Variants in TUBGCP3 observed in about 807,000 individuals in gnomAD.
The protein encoded by TUBGCP3 is tubulin gamma complex component 3.
A neutral mutation model predicts 123.1 loss-of-function variants in TUBGCP3; 50 were observed. That is an observed-to-expected ratio of 0.41 (90% CI 0.32 to 0.51). The LOEUF (loss-of-function observed/expected upper bound fraction) is 0.51, where lower values mean the gene tolerates loss of function less well. TUBGCP3 is among the 20% of genes least tolerant of loss of function. The pLI, the probability that TUBGCP3 is intolerant of heterozygous loss-of-function variation, is 0.36. For synonymous variants in TUBGCP3, 405 were observed against 413.9 expected (o/e 0.98, Z 0.26); for missense variants, 882 against 1,127.0 (o/e 0.78, Z 3.11).
rs570314270 is a variant in TUBGCP3, at chr13:112,552,410, G to A, written c.966+1647C>T. On this transcript the variant is annotated intron_variant, in intron 8 of 21. Coordinates refer to ENST00000261965, the MANE Select transcript of TUBGCP3 (RefSeq NM_006322.6). ...TGGCTCCTGAGGGGACGGCCCACCA[G>A]TCCTACCTGCCTCGAGAAAGAGCCA... is the stretch of plus-strand genomic sequence containing the variant. Among the ~76,000 whole-genome samples, 4 of 152,344 alleles carry A rather than the reference G, an allele frequency of 2.6e-5. No homozygotes were observed. The East Asian group carries it at 7.7e-4, about 29-fold the overall frequency.
At chr13:112,547,783 G>A in intron 9 of TUBGCP3, 31 bp from the exon 10 acceptor site, 2 of 1,420,222 alleles carry the variant, frequency 1.4e-6, no homozygotes, top group Non-Finnish European at 1.8e-6. Context: ...AAATGTTTAA[G>A]TACAAATAAC....
intron 20 of TUBGCP3, among the ~76,000 whole-genome samples, chr13:112,496,100 A>G (rs553694825): frequency 2.4e-4 from 36 of 152,374 alleles, no homozygotes; most frequent in African/African-American, 8.2e-4. Context: ...GCATGGATGC[A>G]TTATCGTAAG....
chr13:112,550,836 C>A (rs760181319), intron 8 of TUBGCP3, among the ~76,000 whole-genome samples: 7 of 152,200 alleles, frequency 4.6e-5, no homozygotes, highest in African/African-American at 1.7e-4. Context: ...CGGTGGCTCA[C>A]GCCTGTAATC....
intron 20 of TUBGCP3, among the ~76,000 whole-genome samples, chr13:112,494,466 G>A (rs944080876): frequency 5.3e-5 from 8 of 152,184 alleles, no homozygotes; most frequent in Non-Finnish European, 1.0e-4. Flanking sequence ...AGCCAGTGCT[G>A]CCTACTTAGG....
intron 11 of TUBGCP3, among the ~76,000 whole-genome samples, chr13:112,543,591 T>C (rs371097049): frequency 7.9e-5 from 12 of 152,262 alleles, no homozygotes; most frequent in African/African-American, 2.9e-4. Context: ...TAAATCATAT[T>C]GACAGATGAA....
chr13:112,547,575 A>AGAC lies in TUBGCP3; in HGVS notation c.1168+44_1168+45insGTC, dbSNP rs1255897269. ...CGCGTGGGAAAGTCGCGCGTGGGAAAGTCGCGCGTGGGAAAGACGTGCGTG... is the reference window on the plus strand; with the variant it reads ...CGCGTGGGAAAGTCGCGCGTGGGAAAGACGTCGCGCGTGGGAAAGACGTGCGTG... On this transcript the variant is annotated intron_variant, in intron 10 of 21. Transcript: ENST00000261965. 4 of 1,431,446 alleles carry AGAC rather than the reference A, an allele frequency of 2.8e-6. No individual in the cohort carries two copies. The African/African-American group carries it at 5.9e-5, about 21-fold the overall frequency. The allele number at this position is 1,431,446 out of a possible 1,614,324, so 88.7% of individuals were successfully genotyped here. A position where few individuals can be genotyped will look rare whatever the true frequency, so the allele number is the denominator to read the frequency against.
chr13:112,561,470 G>T (rs1413458729), intron 3 of TUBGCP3, among the ~76,000 whole-genome samples: 1 of 152,194 alleles, frequency 6.6e-6, no homozygotes, highest in Admixed American at 6.5e-5. Context: ...TACATGCAGG[G>T]TTCAAACCCA....
chr13:112,553,808 G>T (rs955438103), intron 8 of TUBGCP3, among the ~76,000 whole-genome samples: 1 of 152,260 alleles, frequency 6.6e-6, no homozygotes, highest in Non-Finnish European at 1.5e-5. Context: ...CCCATGGCCA[G>T]CTCTGTCTCA....
intron 20 of TUBGCP3, among the ~76,000 whole-genome samples, chr13:112,491,432 G>A (rs1349939544): frequency 1.3e-5 from 2 of 152,106 alleles, no homozygotes; most frequent in Admixed American, 6.5e-5. Context: ...GGGCCTTACA[G>A]GAAGCCCACA....
At chr13:112,582,735 G>T (rs929387713) in intron 1 of TUBGCP3, among the ~76,000 whole-genome samples, 2 of 152,178 alleles carry the variant, frequency 1.3e-5, no homozygotes, top group Admixed American at 1.3e-4. Flanking sequence ...CTAAGGAGAG[G>T]TCTAGTTCTC....
chr13:112,519,769 C>G lies in TUBGCP3; in HGVS notation c.1881+117G>C, dbSNP rs547531390. ...AGTTCCTACTCAGGCTGCCCAGTTT[C>G]CAGAAAGATAACGGCTAGCTGTGCC... On this transcript the variant is annotated intron_variant, in intron 15 of 21. Coordinates refer to ENST00000261965, the MANE Select transcript of TUBGCP3 (RefSeq NM_006322.6). The surrounding 1 kb of genome is among the most constrained non-coding windows in gnomAD (Gnocchi z 6.2). The G allele has an allele frequency of 7.4e-7, 1 of 1,360,492 alleles. No individual in the cohort carries two copies. The highest frequency in any genetic ancestry group is 2.6e-5 in the East Asian group (1 of 38,996). 84.3% of individuals were successfully genotyped at this position (1,360,492 alleles called of 1,614,324 possible).
chr13:112,598,521 C>A, the TUBGCP3 span, among the ~76,000 whole-genome samples: 4 of 152,088 alleles, frequency 2.6e-5, no homozygotes, highest in African/African-American at 9.7e-5. Context: ...GCTCTGTTAC[C>A]TTTGAAATGT....
chr13:112,566,336 A>G (rs1468681009), intron 2 of TUBGCP3, among the ~76,000 whole-genome samples: 1 of 152,236 alleles, frequency 6.6e-6, no homozygotes, highest in Non-Finnish European at 1.5e-5. Flanking sequence ...CTTTGTATGT[A>G]TCCCATTTTA....
chr13:112,564,305 G>C lies in TUBGCP3; in HGVS notation c.252+806C>G, dbSNP rs565858855. On this transcript the variant is annotated intron_variant, in intron 3 of 21. Transcript: ENST00000261965. Reference sequence around the variant, plus strand: ...ACAGAGGAAGACTCAAAATAAAAGAGTTTAATTACTAGCAGCATTAGGCCT... The same window carrying C: ...ACAGAGGAAGACTCAAAATAAAAGACTTTAATTACTAGCAGCATTAGGCCT... Among the ~76,000 whole-genome samples the C allele has an allele frequency of 2.0e-5, 3 of 152,330 alleles. No individual in the cohort carries two copies. The East Asian group carries it at 5.8e-4, about 29-fold the overall frequency.
chr13:112,497,961 A>G (rs949056285), intron 20 of TUBGCP3, among the ~76,000 whole-genome samples: 6 of 152,346 alleles, frequency 3.9e-5, no homozygotes, highest in Admixed American at 3.9e-4. Flanking sequence ...TCCCATAAAC[A>G]GCCAAACTTG....
At chr13:112,494,455 T>C (rs1880386969) in intron 20 of TUBGCP3, among the ~76,000 whole-genome samples, 1 of 152,230 alleles carries the variant, frequency 6.6e-6, no homozygotes, top group Non-Finnish European at 1.5e-5. Flanking sequence ...TGTTTAAAAT[T>C]AGCCAGTGCT....
At chr13:112,553,353 T>G (rs891703253) in intron 8 of TUBGCP3, among the ~76,000 whole-genome samples, 1 of 152,262 alleles carries the variant, frequency 6.6e-6, no homozygotes, top group Non-Finnish European at 1.5e-5. Context: ...GCTGAGCTTA[T>G]AGTACACAGT....
At chr13:112,538,653 A>G (rs1199757269) in intron 11 of TUBGCP3, among the ~76,000 whole-genome samples, 1 of 152,028 alleles carries the variant, frequency 6.6e-6, no homozygotes, top group African/African-American at 2.4e-5. Flanking sequence ...TACAATTTCT[A>G]TCTCTTTATT....
At chr13:112,563,889 G>A (rs80031787) in intron 3 of TUBGCP3, among the ~76,000 whole-genome samples, 38 of 120,162 alleles carry the variant, frequency 3.2e-4, no homozygotes, top group African/African-American at 1.5e-3. Context: ...AAAAAAAAAA[G>A]TGTCTAAATA....
Sources: allele counts gnomAD v4.1 joint callset (sites outside exome capture counted in the v4.1 genomes callset), GRCh38; gene constraint gnomAD v4.1.1; non-coding constraint Gnocchi (gnomAD v3.1); transcripts MANE v1.5; gene names NCBI Gene and HGNC (gene_info 2026-07-23, HGNC 2026-07-21).